The following PTPRU variants were observed in gnomAD, a reference collection of about 807,000 sequenced individuals.
The protein encoded by PTPRU is receptor-type tyrosine-protein phosphatase U.
In PTPRU, 69 loss-of-function variants were observed where a neutral mutation model predicts 166.3. The ratio of observed to expected loss-of-function variants is 0.41; its 90% CI spans 0.34 to 0.51. The LOEUF (loss-of-function observed/expected upper bound fraction) is 0.51, where lower values mean the gene tolerates loss of function less well. Among genes scored for constraint, PTPRU ranks in the 20% least tolerant of loss-of-function variants. The pLI, the probability that PTPRU is intolerant of heterozygous loss-of-function variation, is 0.09. For synonymous variants in PTPRU, 793 were observed against 814.0 expected (o/e 0.97, Z 0.44); for missense variants, 1,657 against 2,013.7 (o/e 0.82, Z 3.39).
At chr1:29,319,567 C>T (rs1376703573) in intron 25 of PTPRU, among the ~76,000 whole-genome samples, 1 of 152,236 alleles carries the variant, frequency 6.6e-6, no homozygotes, top group African/African-American at 2.4e-5. Context: ...GCACCCAGGC[C>T]TGAGTTTTGG....
At position 29,311,525 on chromosome 1, in the gene PTPRU, T is replaced by C. The variant is rs200884886; in HGVS notation, c.2927T>C (p.Met976Thr). 3.7e-6 allele frequency: 6 copies of C among 1,614,048 alleles called. No individual in the cohort carries two copies. In the African/African-American group the frequency reaches 8.0e-5, roughly 22 times the overall value. The change falls in exon 20 of 30, where the codon ATG becomes ACG. Residue 976 changes from methionine (M) to threonine (T), a missense_variant. By Grantham distance (81) the Met-to-Thr change is moderately conservative. Around this residue, in one of 3 missense-constraint regions of PTPRU, gnomAD observed 1,190 missense variants for 1,477.4 expected, o/e 0.81. Coordinates refer to ENST00000373779, the MANE Select transcript of PTPRU (RefSeq NM_133178.4). The surrounding 1 kb of genome is among the most constrained non-coding windows in gnomAD (Gnocchi z 4.1). ...CAGGAGCACTGTTCCAGCATCGTCA[T>C]GATCACCAAGCTGGTCGAGGTGGGC... ...VWQEHCSSIVMITKLVEVGRV... is the reference protein window; with the variant it reads ...VWQEHCSSIVTITKLVEVGRV...
chr1:29,259,932 G>C lies in PTPRU; in HGVS notation c.738G>C (p.Leu246=), dbSNP rs984027835. The part of the protein sequence containing the change: ...GVRHISHRRF[L]ATFPLAAVSR... ...GGCACATCAGCCACCGGCGCTTCCT[G>C]GCCACTTTCCCGCTGGCTGCCGTGA... Residue 246 remains leucine, a synonymous_variant, in exon 6 of 30, where the codon CTG becomes CTC. Coordinates refer to ENST00000373779, the MANE Select transcript of PTPRU (RefSeq NM_133178.4). The C allele has an allele frequency of 1.3e-6, 2 of 1,535,522 alleles. No homozygotes were observed. Among genetic ancestry groups the C allele is most frequent in the Non-Finnish European group, 1.7e-6 (2 of 1,147,190 alleles).
Position 29,311,459 on chromosome 1 carries a change from C to A in PTPRU, c.2861C>A (p.Pro954Gln). 1 of 1,614,076 alleles carries A rather than the reference C, an allele frequency of 6.2e-7. No individual in the cohort carries two copies. Among genetic ancestry groups the A allele is most frequent in the Non-Finnish European group, 8.5e-7 (1 of 1,180,016 alleles). The change falls in exon 20 of 30, where the codon CCG (proline) becomes CAG (glutamine). Residue 954 changes from proline to glutamine, a missense_variant. Physicochemically the swap from Pro to Gln is moderately conservative, Grantham distance 76. Coordinates refer to ENST00000373779, the MANE Select transcript of PTPRU (RefSeq NM_133178.4). This position sits in a 1 kb window ranked among gnomAD's most constrained non-coding sequence, Gnocchi z 4.1. ...RSNHFIATQGPKPEMVYDFWR... is the reference protein window; with the variant it reads ...RSNHFIATQGQKPEMVYDFWR... ...CACCCTCTGCCTGCATCCCCAGGGC[C>A]GAAGCCTGAGATGGTCTATGACTTC...
In PTPRU at chr1:29,291,278, G is replaced by C. The variant is rs1341705632; in HGVS notation, c.2319-591G>C. Among the ~76,000 whole-genome samples the C allele has an allele frequency of 6.6e-6, 1 of 152,190 alleles. No homozygotes were observed. Among genetic ancestry groups the C allele is most frequent in the Admixed American group, 6.5e-5 (1 of 15,290 alleles). On this transcript the variant is annotated intron_variant, in intron 14 of 29. Transcript: ENST00000373779. This position sits in a 1 kb window ranked among gnomAD's most constrained non-coding sequence, Gnocchi z 4.1. ...GGGACCATCCTAGGTGCTACTGGGAGTAGGGAGAAGCCAAGGGTGGAGTTC... is the reference window on the plus strand; with the variant it reads ...GGGACCATCCTAGGTGCTACTGGGACTAGGGAGAAGCCAAGGGTGGAGTTC...
At position 29,257,577 on chromosome 1, in the gene PTPRU, G is replaced by A. The variant is rs1684829399; in HGVS notation, c.206-928G>A. On this transcript the variant is annotated intron_variant, in intron 2 of 29. Coordinates refer to ENST00000373779, the MANE Select transcript of PTPRU (RefSeq NM_133178.4). The surrounding 1 kb of genome is among the most constrained non-coding windows in gnomAD (Gnocchi z 4.6). ...GTACCCAGCCTGGGTCTCTGGGGAA[G>A]GGACAGGCTGCCTTTCTCCAGGTTG... Among the ~76,000 whole-genome samples the A allele has an allele frequency of 6.6e-6, 1 of 152,228 alleles. No homozygotes were observed. Among genetic ancestry groups the A allele is most frequent in the Non-Finnish European group, 1.5e-5 (1 of 68,042 alleles).
chr1:29,297,077 A>G (rs9426414), intron 15 of PTPRU, among the ~76,000 whole-genome samples: 41,728 of 136,200 alleles, frequency 0.31, 8,233 homozygotes, highest in East Asian at 0.63. Context: ...TTTTTGAAAC[A>G]GGGTCTCACT....
At chr1:29,321,997 G>A (rs1688182060) in intron 26 of PTPRU, among the ~76,000 whole-genome samples, 1 of 152,256 alleles carries the variant, frequency 6.6e-6, no homozygotes, top group African/African-American at 2.4e-5. Context: ...TTTCTGCTGG[G>A]CCCAGGGGGC....
intron 28 of PTPRU, 104 bp from the exon 29 acceptor site, chr1:29,325,087 T>G: frequency 2.7e-6 from 4 of 1,458,136 alleles, no homozygotes; most frequent in Non-Finnish European, 3.8e-6. Context: ...CCTAGCTCCG[T>G]CCCTCTCCTC....
At chr1:29,263,398 A>G (rs1319113228) in intron 7 of PTPRU, among the ~76,000 whole-genome samples, 4 of 152,070 alleles carry the variant, frequency 2.6e-5, no homozygotes, top group African/African-American at 9.7e-5. Flanking sequence ...ATCACATTTT[A>G]TTTGTCATTC....
At chr1:29,254,479 C>G (rs1684686210) in intron 1 of PTPRU, among the ~76,000 whole-genome samples, 1 of 152,198 alleles carries the variant, frequency 6.6e-6, no homozygotes, top group South Asian at 2.1e-4. Flanking sequence ...ATACATGTGC[C>G]TAGTCCACAC....
chr1:29,249,163 C>CACATGCACACACAT (rs139121461), intron 1 of PTPRU, among the ~76,000 whole-genome samples: 3 of 151,622 alleles, frequency 2.0e-5, no homozygotes, highest in Non-Finnish European at 4.4e-5. Context: ...CGTGTGCACA[C>CACATGCACACACAT]ACACACACGC....
At chr1:29,261,090 CT>C (rs1221898525) in intron 7 of PTPRU, among the ~76,000 whole-genome samples, 187 bp downstream of exon 7, 1 of 152,250 alleles carries the variant, frequency 6.6e-6, no homozygotes, top group Non-Finnish European at 1.5e-5. Flanking sequence ...TTAAACATAT[CT>C]GTGTGTAGAC....
intron 8 of PTPRU, among the ~76,000 whole-genome samples, chr1:29,277,257 C>G (rs967264447): frequency 1.3e-5 from 2 of 152,052 alleles, no homozygotes; most frequent in South Asian, 2.1e-4. Context: ...CCCGCCACCA[C>G]GCCTGGCTAA....
intron 1 of PTPRU, among the ~76,000 whole-genome samples, chr1:29,242,356 C>T (rs1430471979): frequency 1.3e-5 from 2 of 152,106 alleles, no homozygotes; most frequent in African/African-American, 4.8e-5. Flanking sequence ...GGACTTGCCT[C>T]CTGATCGCTC....
rs1330835870 is a variant in PTPRU at position 29,248,160 on chromosome 1, A to G, written c.74-7115A>G. The stretch of plus-strand genomic sequence containing the variant: ...GGTGAGGGTCAGACTAGCTGGGATC[A>G]TGGGGTCAATAAGTCCAGGCACTGT... On this transcript the variant is annotated intron_variant, in intron 1 of 29. Coordinates refer to ENST00000373779, the MANE Select transcript of PTPRU (RefSeq NM_133178.4). Among the ~76,000 whole-genome samples the G allele has an allele frequency of 5.3e-5, 8 of 152,110 alleles. No homozygotes were observed. The East Asian group carries it at 1.5e-3, about 29-fold the overall frequency.
At position 29,291,117 on chromosome 1, in the gene PTPRU, G is replaced by A. The variant is rs561643792; in HGVS notation, c.2319-752G>A. Among the ~76,000 whole-genome samples, 2 of 152,282 alleles carry A rather than the reference G, an allele frequency of 1.3e-5. No homozygotes were observed. The highest frequency in any genetic ancestry group is 3.9e-4 in the East Asian group (2 of 5,172). On this transcript the variant is annotated intron_variant, in intron 14 of 29. Coordinates refer to ENST00000373779, the MANE Select transcript of PTPRU (RefSeq NM_133178.4). This position sits in a 1 kb window ranked among gnomAD's most constrained non-coding sequence, Gnocchi z 4.1. ...AAGTCACAAACTGCCATCCTCATCC[G>A]TGAAGCTGGGCCTGGAGGGAGAGGA...
intron 15 of PTPRU, 68 bp from the exon 16 acceptor site, chr1:29,303,787 A>G (rs1391676895): frequency 2.1e-6 from 3 of 1,452,206 alleles, no homozygotes; most frequent in African/African-American, 2.8e-5. Context: ...CATAGACCCC[A>G]GTCTCTCCAG....
In PTPRU at chr1:29,315,387, C is replaced by T; in HGVS notation, c.3243C>T (p.Arg1081=). 6.2e-7 allele frequency: 1 copy of T among 1,614,186 alleles called. No homozygotes were observed. The highest frequency in any genetic ancestry group is 8.5e-7 in the Non-Finnish European group (1 of 1,180,042). Residue 1081 remains arginine (R), a synonymous_variant, in exon 23 of 30, where the codon CGC becomes CGT. Coordinates refer to ENST00000373779, the MANE Select transcript of PTPRU (RefSeq NM_133178.4). The surrounding 1 kb of genome is among the most constrained non-coding windows in gnomAD (Gnocchi z 4.5). ...IVIHCSAGTG[R]TGCYIVLDVM... is the part of the protein sequence containing the mutation. ...CTCTCTCCAGCGCGGGCACCGGCCG[C>T]ACAGGTTGCTATATCGTCCTGGATG...
chr1:29,304,622 G>C (rs531548519), intron 16 of PTPRU, 152 bp from the exon 17 acceptor site: 5 of 546,076 alleles, frequency 9.2e-6, no homozygotes, highest in African/African-American at 5.7e-5. Flanking sequence ...AGGACCCACA[G>C]TGACACAGTG....
Sources: allele counts gnomAD v4.1 joint callset (sites outside exome capture counted in the v4.1 genomes callset), GRCh38; gene constraint gnomAD v4.1.1; regional missense constraint gnomAD v4.1.1; non-coding constraint Gnocchi (gnomAD v3.1); transcripts MANE v1.5; gene names NCBI Gene and HGNC (gene_info 2026-07-23, HGNC 2026-07-21).